The following NLRC5 variants were observed in gnomAD, a reference collection of about 807,000 sequenced individuals.
NLRC5 encodes the protein NLR family CARD domain containing 5.
In NLRC5, 114 loss-of-function variants were observed where a neutral mutation model predicts 206.9. That is an observed-to-expected ratio of 0.55 (90% confidence interval 0.47 to 0.64). The LOEUF (loss-of-function observed/expected upper bound fraction) is 0.64, where lower values mean the gene tolerates loss of function less well. NLRC5 is among the 30% of genes least tolerant of loss of function. NLRC5 has a pLI of 0.00. For missense variants in NLRC5, 2,008 were observed against 2,305.5 expected, an observed-to-expected ratio of 0.87 and a Z score of 2.64; for synonymous variants, 952 against 962.8, an observed-to-expected ratio of 0.99 and a Z score of 0.21.
At chr16:57,066,376 G>A (rs896532547) in intron 33 of NLRC5, among the ~76,000 whole-genome samples, 158 bp from the exon 34 acceptor site, 4 of 152,256 alleles carry the variant, frequency 2.6e-5, no homozygotes, top group African/African-American at 7.2e-5. Flanking sequence ...TGTGACTCAC[G>A]GAAGCACCTA....
intron 42 of NLRC5, 33 bp downstream of exon 42, chr16:57,077,835 G>C: frequency 1.3e-6 from 2 of 1,588,658 alleles, no homozygotes; most frequent in Non-Finnish European, 1.7e-6. Flanking sequence ...TCTGCCCTCT[G>C]TGCCCCCCAG....
chr16:57,037,082 G>A, intron 14 of NLRC5, 113 bp from the exon 15 acceptor site: 1 of 867,286 alleles, frequency 1.2e-6, no homozygotes. Flanking sequence ...AGGGACCTAG[G>A]ACATCCAGGA....
chr16:57,058,096 C>T lies in NLRC5; in HGVS notation c.3778C>T (p.Leu1260Phe). 6.2e-7 allele frequency: 1 copy of T among 1,612,712 alleles called. No individual in the cohort carries two copies. ...AGCAAACCTGCTGGGCGACAGCGGA[C>T]TCAGATGCCTTCTGGAATGTCTGCC... ...LSANLLGDSG[L>F]RCLLECLPQV... The change falls in exon 28 of 49, where the codon CTC (leucine) becomes TTC (phenylalanine). Residue 1260 changes from leucine to phenylalanine, a missense_variant. Transcript: ENST00000688547.
chr16:57,037,244 G>A lies in NLRC5; in HGVS notation c.2761G>A (p.Ala921Thr), dbSNP rs1389957136. 1.2e-6 allele frequency: 2 copies of A among 1,613,740 alleles called. No individual in the cohort carries two copies. Among genetic ancestry groups the A allele is most frequent in the Non-Finnish European group, 1.7e-6 (2 of 1,179,974 alleles). Residue 921 changes from alanine to threonine, a missense_variant, in exon 15 of 49, where the codon GCC becomes ACC. By Grantham distance (58) the Ala-to-Thr change is moderately conservative (BLOSUM62 0). Transcript: ENST00000688547. Reference sequence around the variant, plus strand: ...GGCCGGGGTGCATTGTGTGCTGAGGGCCGTGAGTGCGTGCTGGACCCTGGC... The same window carrying A: ...GGCCGGGGTGCATTGTGTGCTGAGGACCGTGAGTGCGTGCTGGACCCTGGC... ...SVAGVHCVLR[A>T]VSACWTLAEL...
intron 38 of NLRC5, among the ~76,000 whole-genome samples, chr16:57,071,292 G>A (rs531380970): frequency 2.1e-5 from 3 of 139,546 alleles, no homozygotes; most frequent in Admixed American, 7.4e-5. Flanking sequence ...TAATGGGGAA[G>A]CGTTGTGAGT....
intron 20 of NLRC5, among the ~76,000 whole-genome samples, chr16:57,044,304 C>CAA (rs11399774): frequency 2.9e-4 from 41 of 143,564 alleles, no homozygotes; most frequent in African/African-American, 4.9e-4. Context: ...GACTCCATCT[C>CAA]AAAAAAAAAA....
rs767100380 is a variant in NLRC5 at position 57,020,866 on chromosome 16, C to G, written c.154C>G (p.Gln52Glu). 3 of 1,613,804 alleles carry G rather than the reference C, an allele frequency of 1.9e-6. No individual in the cohort carries two copies. Among genetic ancestry groups the G allele is most frequent in the Admixed American group, 3.3e-5 (2 of 59,990 alleles). Reference sequence around the variant, plus strand: ...CAGGAACGAGACCTTGGACCCTGAACAGAGAGTCATCCTGCAACTCAACAA... The same window carrying G: ...CAGGAACGAGACCTTGGACCCTGAAGAGAGAGTCATCCTGCAACTCAACAA... ...DSRNETLDPE[Q>E]RVILQLNKLH... The change falls in exon 3 of 49, where the codon CAG becomes GAG. Residue 52 changes from glutamine to glutamate, a missense_variant. Coordinates refer to ENST00000688547, the MANE Select transcript of NLRC5 (RefSeq NM_001384950.1).
At chr16:57,078,481 T>G (rs1186161532) in intron 43 of NLRC5, among the ~76,000 whole-genome samples, 2 of 146,840 alleles carry the variant, frequency 1.4e-5, no homozygotes, top group Admixed American at 1.3e-4. Context: ...TTTTTTTTTT[T>G]TTTTTTTTTA....
chr16:57,075,660 A>T (rs1343684617), intron 39 of NLRC5, among the ~76,000 whole-genome samples: 2 of 152,274 alleles, frequency 1.3e-5, no homozygotes, highest in African/African-American at 4.8e-5. Context: ...TGCTGCTAGG[A>T]TAAATAAACA....
chr16:56,993,946 T>G (rs2057277306), intron 1 of NLRC5, among the ~76,000 whole-genome samples: 1 of 143,162 alleles, frequency 7.0e-6, no homozygotes. Context: ...ATATATGGGA[T>G]GTTTTCCCTG....
chr16:56,990,894 A>C (rs1290968831), intron 1 of NLRC5: 1 of 152,116 alleles, frequency 6.6e-6, no homozygotes, highest in African/African-American at 2.4e-5. Flanking sequence ...CATAGCCCAG[A>C]ATGGCCATCC....
intron 39 of NLRC5, 103 bp downstream of exon 39, chr16:57,074,786 T>A: frequency 9.1e-7 from 1 of 1,096,112 alleles, no homozygotes; most frequent in East Asian, 2.4e-5. Context: ...CAGGGGATCC[T>A]TTGCGGATCC....
chr16:57,036,103 C>T lies in NLRC5; in HGVS notation c.2631C>T (p.Leu877=), dbSNP rs751699087. ...TGCATTGGGCCCCCCGTCTCAGCCT[C>T]TCAGGGAACCAGCTGGAAGATGAAG... The part of the protein sequence containing the change: ...QEGPHLEEVD[L]SGNQLEDEGC... The change falls in exon 14 of 49, where the codon CTC becomes CTT. Residue 877 remains leucine, a synonymous_variant. Transcript: ENST00000688547. The T allele has an allele frequency of 1.9e-6, 3 of 1,613,598 alleles. No individual in the cohort carries two copies. Among genetic ancestry groups the T allele is most frequent in the South Asian group, 1.1e-5 (1 of 91,082 alleles).
At chr16:56,992,157 A>G (rs2056971877) in intron 1 of NLRC5, 1 of 152,242 alleles carries the variant, frequency 6.6e-6, no homozygotes. Flanking sequence ...CCTCTCCTCC[A>G]GCCTTCAGAG....
At chr16:57,032,155 A>G (rs1193056540) in intron 11 of NLRC5, among the ~76,000 whole-genome samples, 1 of 151,982 alleles carries the variant, frequency 6.6e-6, no homozygotes, top group African/African-American at 2.4e-5. Flanking sequence ...CATGCCTGTA[A>G]TCCTAGCACT....
intron 30 of NLRC5, among the ~76,000 whole-genome samples, chr16:57,060,678 C>T (rs992715338): frequency 6.6e-6 from 1 of 152,068 alleles, no homozygotes; most frequent in Non-Finnish European, 1.5e-5. Flanking sequence ...ATAACCTTCA[C>T]TATTTGCTCC....
intron 1 of NLRC5, among the ~76,000 whole-genome samples, chr16:57,008,293 C>T (rs7195711): frequency 0.014 from 2,120 of 152,246 alleles, 40 homozygotes; most frequent in African/African-American, 0.048. Flanking sequence ...ATTTTCTTAA[C>T]TTTTTTGTCG....
chr16:57,070,887 G>C (rs1483325734), intron 38 of NLRC5, among the ~76,000 whole-genome samples: 15 of 146,330 alleles, frequency 1.0e-4, no homozygotes, highest in Non-Finnish European at 1.9e-4. Flanking sequence ...GGTTAATGGG[G>C]AAGGGGGTGA....
At position 57,037,256 on chromosome 16, in the gene NLRC5, T is replaced by A. The variant is rs1390127937; in HGVS notation, c.2773T>A (p.Cys925Ser). The A allele has an allele frequency of 6.2e-7, 1 of 1,613,646 alleles. No individual in the cohort carries two copies. Among genetic ancestry groups the A allele is most frequent in the Admixed American group, 1.7e-5 (1 of 60,024 alleles). Reference protein sequence around the residue: ...VHCVLRAVSACWTLAELHISL... With the variant: ...VHCVLRAVSASWTLAELHISL... Reference sequence around the variant, plus strand: ...TTGTGTGCTGAGGGCCGTGAGTGCGTGCTGGACCCTGGCAGAGCTGCACAT... The same window carrying A: ...TTGTGTGCTGAGGGCCGTGAGTGCGAGCTGGACCCTGGCAGAGCTGCACAT... Residue 925 changes from cysteine (C) to serine (S), a missense_variant, in exon 15 of 49, where the codon TGC becomes AGC. Coordinates refer to ENST00000688547, the MANE Select transcript of NLRC5 (RefSeq NM_001384950.1).
Sources: allele counts gnomAD v4.1 joint callset (sites outside exome capture counted in the v4.1 genomes callset), GRCh38; gene constraint gnomAD v4.1.1; transcripts MANE v1.5; gene names NCBI Gene and HGNC (gene_info 2026-07-23, HGNC 2026-07-21).